Variants in ESRRB observed in about 807,000 individuals in gnomAD.
The protein encoded by ESRRB is estrogen related receptor beta, also known as steroid hormone receptor ERR2.
ESRRB carries 16 observed loss-of-function variants against 46.0 expected under a neutral mutation model. The ratio of observed to expected loss-of-function variants is 0.35; its 90% CI spans 0.24 to 0.53. ESRRB has a LOEUF of 0.53. Ranked by LOEUF, ESRRB falls within the 20% of genes least tolerant of loss-of-function variation. The probability of loss-of-function intolerance (pLI) is 0.93; values close to 1 mark genes in which losing one functional copy is unlikely to be tolerated. For missense variants in ESRRB, 488 were observed against 607.4 expected (o/e 0.80, Z 2.07); for synonymous variants, 246 against 259.6 (o/e 0.95, Z 0.50).
intron 1 of ESRRB, among the ~76,000 whole-genome samples, chr14:76,332,169 C>G (rs1884021102): frequency 6.6e-6 from 1 of 151,838 alleles, no homozygotes; most frequent in African/African-American, 2.4e-5. Context: ...GAAGCCCTCC[C>G]TGCAGAGGTG....
rs376899235 is a variant in ESRRB at position 76,482,848 on chromosome 14, G to A, written c.850+89G>A. 1,472 of 1,511,692 alleles carry A rather than the reference G, an allele frequency of 9.7e-4. 34 individuals carry two copies. The South Asian group carries it at 0.016, about 16-fold the overall frequency. The allele number at this position is 1,511,692 out of a possible 1,614,324, so 93.6% of individuals were successfully genotyped here. ...CCCAATGGCTGTGCTTCTGATGCCC[G>A]GATCCTGGACCCCAGAAGGCCTGTG... On this transcript the variant is annotated intron_variant, in intron 5 of 6. Transcript: ENST00000644823. The surrounding 1 kb of genome is among the most constrained non-coding windows in gnomAD (Gnocchi z 4.3).
chr14:76,445,438 C>T (rs1279016902), intron 2 of ESRRB, among the ~76,000 whole-genome samples: 2 of 142,808 alleles, frequency 1.4e-5, no homozygotes, highest in Non-Finnish European at 3.0e-5. Context: ...TGCACTCCAG[C>T]CTGGGCAACA....
At chr14:76,345,044 A>G (rs747005955) in intron 1 of ESRRB, among the ~76,000 whole-genome samples, 5 of 152,228 alleles carry the variant, frequency 3.3e-5, no homozygotes, top group African/African-American at 4.8e-5. Flanking sequence ...ATGTGCAAGT[A>G]TCTTTTTCAA....
chr14:76,330,119 T>A (rs1051609235), intron 1 of ESRRB, among the ~76,000 whole-genome samples: 1 of 151,996 alleles, frequency 6.6e-6, no homozygotes, highest in South Asian at 2.1e-4. Context: ...CCTCCCTCTC[T>A]CTGTGTACCC....
intron 1 of ESRRB, among the ~76,000 whole-genome samples, chr14:76,406,706 T>G (rs201785902): frequency 2.0e-5 from 3 of 152,228 alleles, no homozygotes; most frequent in East Asian, 3.9e-4. Context: ...ATCATGCCAT[T>G]GCACTCCAGC....
intron 1 of ESRRB, among the ~76,000 whole-genome samples, chr14:76,395,118 G>A (rs1179827314): frequency 2.6e-5 from 4 of 152,066 alleles, no homozygotes; most frequent in Non-Finnish European, 4.4e-5. Context: ...TCAGCCCCTC[G>A]CCCAGTGGGA....
At chr14:76,350,130 C>G (rs530315352) in intron 1 of ESRRB, among the ~76,000 whole-genome samples, 23 of 152,284 alleles carry the variant, frequency 1.5e-4, no homozygotes, top group African/African-American at 5.5e-4. Context: ...GGGGGAGGTT[C>G]CCATGAAGGG....
intron 1 of ESRRB, among the ~76,000 whole-genome samples, chr14:76,311,733 T>G (rs1027480610): frequency 2.0e-5 from 3 of 152,230 alleles, no homozygotes; most frequent in Non-Finnish European, 4.4e-5. Context: ...TCGTGAGGCT[T>G]GTCAAAGCTG....
At chr14:76,311,869 G>C (rs1778740333) in intron 1 of ESRRB, among the ~76,000 whole-genome samples, 1 of 151,410 alleles carries the variant, frequency 6.6e-6, no homozygotes, top group Non-Finnish European at 1.5e-5. Flanking sequence ...CCCGTGCAAC[G>C]TTTGGGACTT....
chr14:76,414,231 A>C (rs931966554), intron 1 of ESRRB, among the ~76,000 whole-genome samples: 19 of 104,242 alleles, frequency 1.8e-4, no homozygotes, highest in African/African-American at 6.9e-4. Context: ...GCATGCCCTG[A>C]AGCACAAAAA....
intron 5 of ESRRB, 140 bp from the exon 6 acceptor site, chr14:76,491,307 C>G: frequency 1.3e-6 from 1 of 773,802 alleles, no homozygotes; most frequent in Non-Finnish European, 2.1e-6. Context: ...ACAGGGAAAG[C>G]CTGGGGGCAG....
At chr14:76,361,486 T>G (rs1450673544) in intron 1 of ESRRB, among the ~76,000 whole-genome samples, 2 of 152,130 alleles carry the variant, frequency 1.3e-5, no homozygotes, top group Non-Finnish European at 2.9e-5. Flanking sequence ...CCCCCAAGAC[T>G]AAGAAATCGA....
At chr14:76,336,753 C>T (rs189322191) in intron 1 of ESRRB, among the ~76,000 whole-genome samples, 5 of 152,316 alleles carry the variant, frequency 3.3e-5, no homozygotes, top group Non-Finnish European at 2.9e-5. Context: ...CACTCACTCA[C>T]GCATTCCAGC....
intron 1 of ESRRB, among the ~76,000 whole-genome samples, chr14:76,335,494 G>T (rs910862032): frequency 7.2e-5 from 11 of 152,232 alleles, no homozygotes; most frequent in African/African-American, 2.4e-4. Flanking sequence ...GAGCTACTAT[G>T]TGCCAGGCAC....
At chr14:76,408,951 C>T (rs1426823319) in intron 1 of ESRRB, among the ~76,000 whole-genome samples, 1 of 152,178 alleles carries the variant, frequency 6.6e-6, no homozygotes, top group East Asian at 1.9e-4. Context: ...TGTTGTCACT[C>T]CCATTTTATA....
At chr14:76,478,217 C>A (rs1889657354) in intron 3 of ESRRB, among the ~76,000 whole-genome samples, 1 of 152,146 alleles carries the variant, frequency 6.6e-6, no homozygotes, top group African/African-American at 2.4e-5. Flanking sequence ...GGTGCCTAGT[C>A]AGTAGGGGAA....
At chr14:76,316,278 C>A (rs567979220) in intron 1 of ESRRB, among the ~76,000 whole-genome samples, 1 of 152,308 alleles carries the variant, frequency 6.6e-6, no homozygotes, top group African/African-American at 2.4e-5. Context: ...TGCGGCCAGG[C>A]AATGCTCTCT....
chr14:76,392,179 CA>C (rs1234434946), intron 1 of ESRRB, among the ~76,000 whole-genome samples: 1 of 152,166 alleles, frequency 6.6e-6, no homozygotes, highest in African/African-American at 2.4e-5. Flanking sequence ...TTCAAGATGC[CA>C]GTGGAAGCAG....
At chr14:76,426,469 CTTAT>C (rs1369668909) in intron 1 of ESRRB, among the ~76,000 whole-genome samples, 1 of 152,220 alleles carries the variant, frequency 6.6e-6, no homozygotes, top group Non-Finnish European at 1.5e-5. Context: ...CTCAGCTACA[CTTAT>C]TTATCACATG....
Sources: allele counts gnomAD v4.1 joint callset (sites outside exome capture counted in the v4.1 genomes callset), GRCh38; gene constraint gnomAD v4.1.1; non-coding constraint Gnocchi (gnomAD v3.1); transcripts MANE v1.5; gene names NCBI Gene and HGNC (gene_info 2026-07-23, HGNC 2026-07-21).